The following WWOX variants were observed in gnomAD, a reference collection of about 807,000 sequenced individuals.
WWOX encodes the protein WW domain containing oxidoreductase.
Under a neutral mutation model 46.2 loss-of-function variants are expected in WWOX, and 69 were observed. The ratio of observed to expected loss-of-function variants is 1.49; its 90% CI spans 1.23 to 1.82. The LOEUF (loss-of-function observed/expected upper bound fraction) is 1.82. WWOX is among the 40% of genes most tolerant of loss of function. The pLI, the probability that WWOX is intolerant of heterozygous loss-of-function variation, is 0.00. For missense variants in WWOX, 919 were observed against 542.6 expected (o/e 1.69, Z -6.89); for synonymous variants, 359 against 202.6 (o/e 1.77, Z -6.56).
chr16:78,115,188 C>G (rs374725748), intron 4 of WWOX, 34 bp downstream of exon 4: 81 of 1,612,398 alleles, frequency 5.0e-5, no homozygotes, highest in African/African-American at 8.0e-5. Flanking sequence ...ATCTTTGGGA[C>G]TGCTATAATG....
At chr16:78,916,157 C>T (rs1214480476) in intron 8 of WWOX, among the ~76,000 whole-genome samples, 1 of 152,140 alleles carries the variant, frequency 6.6e-6, no homozygotes, top group Non-Finnish European at 1.5e-5. Flanking sequence ...ACAATGCTCT[C>T]AGCCGAATCC....
chr16:79,003,307 G>T (rs1567475583), intron 8 of WWOX, among the ~76,000 whole-genome samples: 1 of 152,058 alleles, frequency 6.6e-6, no homozygotes, highest in Non-Finnish European at 1.5e-5. Context: ...ACAAGGAATG[G>T]GAGGAACGGG....
chr16:78,378,288 A>G (rs972383646), intron 5 of WWOX, among the ~76,000 whole-genome samples: 1 of 152,150 alleles, frequency 6.6e-6, no homozygotes, highest in Non-Finnish European at 1.5e-5. Flanking sequence ...CTTTCCTGCG[A>G]ATCCTATCAG....
chr16:78,994,414 T>C (rs2046947605), intron 8 of WWOX: 1 of 152,216 alleles, frequency 6.6e-6, no homozygotes, highest in Non-Finnish European at 1.5e-5. Flanking sequence ...ATTTTTATAA[T>C]ACTTGCATTT....
chr16:79,025,804 C>CTTTT, intron 8 of WWOX, among the ~76,000 whole-genome samples: 1 of 104,070 alleles, frequency 9.6e-6, no homozygotes, highest in African/African-American at 3.8e-5. Flanking sequence ...TGCTTGCTTG[C>CTTTT]TTTTTTTTTT....
chr16:78,279,330 C>G (rs2079636329), intron 5 of WWOX, among the ~76,000 whole-genome samples: 1 of 152,086 alleles, frequency 6.6e-6, no homozygotes, highest in South Asian at 2.1e-4. Context: ...GAGTTTCATT[C>G]TCCTATAAAA....
At chr16:78,429,880 A>T (rs953358987) in intron 7 of WWOX, among the ~76,000 whole-genome samples, 2 of 152,156 alleles carry the variant, frequency 1.3e-5, no homozygotes, top group Non-Finnish European at 2.9e-5. Context: ...AAAGATGGGG[A>T]TGTATGTATC....
At chr16:79,187,437 G>C (rs191512399) in intron 8 of WWOX, among the ~76,000 whole-genome samples, 1 of 152,314 alleles carries the variant, frequency 6.6e-6, no homozygotes, top group African/African-American at 2.4e-5. Context: ...GTATCGCTCT[G>C]TCACCCAGGC....
chr16:79,143,015 T>G (rs2050119252), intron 8 of WWOX, among the ~76,000 whole-genome samples: 1 of 152,174 alleles, frequency 6.6e-6, no homozygotes, highest in Admixed American at 6.5e-5. Context: ...TTTATCTGTT[T>G]TTTAAATAGC....
At chr16:78,148,145 T>C (rs1263100469) in intron 4 of WWOX, among the ~76,000 whole-genome samples, 2 of 152,218 alleles carry the variant, frequency 1.3e-5, no homozygotes, top group African/African-American at 2.4e-5. Flanking sequence ...CCTTCTTCTC[T>C]TGAAGTGGCT....
chr16:78,240,254 G>T (rs971613528), intron 5 of WWOX, among the ~76,000 whole-genome samples: 6 of 151,984 alleles, frequency 3.9e-5, no homozygotes, highest in South Asian at 2.1e-4. Flanking sequence ...TGCGGAGGGG[G>T]CATCACTTGA....
At chr16:79,061,386 C>G (rs72795648) in intron 8 of WWOX, among the ~76,000 whole-genome samples, 6 of 152,286 alleles carry the variant, frequency 3.9e-5, no homozygotes, top group Non-Finnish European at 8.8e-5. Context: ...GAATGCAGTT[C>G]CACGATCCAC....
At chr16:78,159,651 T>C (rs1366100150) in intron 4 of WWOX, among the ~76,000 whole-genome samples, 1 of 150,724 alleles carries the variant, frequency 6.6e-6, no homozygotes, top group African/African-American at 2.4e-5. Context: ...TTGGTTCCTT[T>C]GCTTGTTTTT....
chr16:79,056,347 A>G (rs1280834488), intron 8 of WWOX, among the ~76,000 whole-genome samples: 2 of 152,260 alleles, frequency 1.3e-5, no homozygotes, highest in African/African-American at 4.8e-5. Context: ...TCTTTGAAGA[A>G]TGACTGTAAT....
chr16:78,563,757 T>G (rs2044496770), intron 8 of WWOX, among the ~76,000 whole-genome samples: 7 of 152,112 alleles, frequency 4.6e-5, no homozygotes, highest in Admixed American at 4.6e-4. Context: ...CAGATACCAA[T>G]AATTAATATC....
At chr16:78,885,039 T>C (rs554839200) in intron 8 of WWOX, among the ~76,000 whole-genome samples, 3 of 152,314 alleles carry the variant, frequency 2.0e-5, no homozygotes, top group South Asian at 2.1e-4. Context: ...GTGCAGTGTT[T>C]CGTTCTTAAC....
At chr16:78,154,164 C>G (rs548017199) in intron 4 of WWOX, among the ~76,000 whole-genome samples, 6 of 152,156 alleles carry the variant, frequency 3.9e-5, no homozygotes, top group Non-Finnish European at 7.3e-5. Flanking sequence ...TTAGGCAGTC[C>G]CTGGCTTTGT....
intron 8 of WWOX, among the ~76,000 whole-genome samples, chr16:78,693,056 A>T (rs114814912): frequency 6.6e-6 from 1 of 152,238 alleles, no homozygotes; most frequent in East Asian, 1.9e-4. Flanking sequence ...TTTATTTGCC[A>T]TCCAGAGCTT....
intron 8 of WWOX, among the ~76,000 whole-genome samples, chr16:78,669,356 A>C (rs182295191): frequency 6.6e-6 from 1 of 152,110 alleles, no homozygotes; most frequent in Non-Finnish European, 1.5e-5. Flanking sequence ...TTTAACTCCA[A>C]CTTCTTCAAC....
Sources: gnomAD v4.1 joint callset for allele counts (sites outside exome capture counted in the v4.1 genomes callset) on GRCh38, gnomAD v4.1.1 for gene constraint, MANE v1.5 for transcripts, NCBI Gene and HGNC (gene_info 2026-07-23, HGNC 2026-07-21) for gene names.